KIAA1549: variants seen among roughly 807,000 people sequenced by gnomAD.
KIAA1549 encodes KIAA1549.
Under a neutral mutation model 156.4 loss-of-function variants are expected in KIAA1549, and 70 were observed. The observed-to-expected ratio is 0.45, with a 90% confidence interval of 0.37 to 0.55. KIAA1549 has a LOEUF of 0.55. Ranked by LOEUF, KIAA1549 falls within the 20% of genes least tolerant of loss-of-function variation. KIAA1549 has a pLI of 0.00. For missense variants in KIAA1549, 2,428 were observed against 2,540.9 expected (o/e 0.96, Z 0.96); for synonymous variants, 1,103 against 1,066.4 (o/e 1.03, Z -0.67).
rs568828707 is a variant in KIAA1549, at chr7:138,836,224, T to C, written c.*1682A>G. On this transcript the variant is annotated 3_prime_UTR_variant, in exon 20 of 20. Coordinates refer to ENST00000422774, the MANE Select transcript of KIAA1549 (RefSeq NM_001164665.2). ...ATGACGGTCTACATATTGATGGTAG[T>C]CCCATAAGATTATAAAATTGTATTT... 8 of 203,578 alleles carry C rather than the reference T, an allele frequency of 3.9e-5. No homozygotes were observed. The highest frequency in any genetic ancestry group is 1.9e-4 in the South Asian group (1 of 5,278). 12.6% of individuals were successfully genotyped at this position (203,578 alleles called of 1,614,324 possible). A position where few individuals can be genotyped will look rare whatever the true frequency, so the allele number is the denominator to read the frequency against.
rs75459081 is a variant in KIAA1549 at position 138,908,753 on chromosome 7, G to A, written c.3276+238C>T. 1.3e-3 allele frequency among the ~76,000 whole-genome samples: 203 copies of A among 152,266 alleles called. 1 individual carries two copies. Among genetic ancestry groups the A allele is most frequent in the African/African-American group, 4.7e-3 (197 of 41,540 alleles). Reference sequence around the variant, plus strand: ...TCTTGAATTTCCTGAATATGGTCATGTTTCTTCAGCTCACCATATCTGAGC... The same window carrying A: ...TCTTGAATTTCCTGAATATGGTCATATTTCTTCAGCTCACCATATCTGAGC... On this transcript the variant is annotated intron_variant, in intron 5 of 19. Coordinates refer to ENST00000422774, the MANE Select transcript of KIAA1549 (RefSeq NM_001164665.2).
At chr7:138,869,424 G>A in intron 14 of KIAA1549, 114 bp downstream of exon 14, 1 of 787,550 alleles carries the variant, frequency 1.3e-6, no homozygotes. Context: ...GAACACGGAT[G>A]GGGTCCTTCT....
In KIAA1549 at chr7:138,981,051, G is replaced by A. The variant is rs914830450; in HGVS notation, c.187+32C>T. ...CAGCGATAAAGGCAGGCGGGGTCGC[G>A]GCCGCGTTCCGAGGGTCTCGGCGGA... On this transcript the variant is annotated intron_variant, in intron 1 of 19. Coordinates refer to ENST00000422774, the MANE Select transcript of KIAA1549 (RefSeq NM_001164665.2). The surrounding 1 kb of genome is among the most constrained non-coding windows in gnomAD (Gnocchi z 4.5). 5.7e-6 allele frequency: 7 copies of A among 1,221,912 alleles called. No homozygotes were observed. Among genetic ancestry groups the A allele is most frequent in the Middle Eastern group, 4.7e-4 (2 of 4,246 alleles). 75.7% of individuals were successfully genotyped at this position (1,221,912 alleles called of 1,614,324 possible). A position where few individuals can be genotyped will look rare whatever the true frequency, so the allele number is the denominator to read the frequency against.
intron 16 of KIAA1549, among the ~76,000 whole-genome samples, chr7:138,852,719 C>T (rs1299352360): frequency 6.6e-6 from 1 of 152,224 alleles, no homozygotes; most frequent in African/African-American, 2.4e-5. Context: ...CTGCCCAGTA[C>T]CTATTCAAAT....
intron 2 of KIAA1549, among the ~76,000 whole-genome samples, 166 bp from the exon 3 acceptor site, chr7:138,912,626 G>A (rs1400627151): frequency 6.6e-6 from 1 of 151,972 alleles, no homozygotes; most frequent in Non-Finnish European, 1.5e-5. Flanking sequence ...GGATCTAGTT[G>A]CTGCTAACTA....
intron 2 of KIAA1549, among the ~76,000 whole-genome samples, chr7:138,914,552 G>A (rs1199694690): frequency 6.6e-6 from 1 of 152,130 alleles, no homozygotes; most frequent in Non-Finnish European, 1.5e-5. Context: ...GGTACGCGGA[G>A]TCACCTCAAC....
At position 138,938,038 on chromosome 7, in the gene KIAA1549, G is replaced by A. The variant is rs544107827; in HGVS notation, c.188-18600C>T. On this transcript the variant is annotated intron_variant, in intron 1 of 19. Coordinates refer to ENST00000422774, the MANE Select transcript of KIAA1549 (RefSeq NM_001164665.2). ...AAATTCATATGTTGAAACCTAACCC[G>A]AAGGTGATGGTATTAAGAGGTAGGG... Among the ~76,000 whole-genome samples, 240 of 152,198 alleles carry A rather than the reference G, an allele frequency of 1.6e-3. 1 individual carries two copies. The highest frequency in any genetic ancestry group is 4.7e-3 in the African/African-American group (194 of 41,536).
intron 10 of KIAA1549, 88 bp downstream of exon 10, chr7:138,894,254 A>T (rs1811620410): frequency 1.6e-6 from 2 of 1,266,994 alleles, no homozygotes; most frequent in African/African-American, 3.0e-5. Context: ...CCTCTTCCTC[A>T]TCTTTCAGTA....
chr7:138,843,811 T>C (rs978189725), intron 18 of KIAA1549, among the ~76,000 whole-genome samples: 59 of 152,240 alleles, frequency 3.9e-4, no homozygotes, highest in African/African-American at 1.4e-3. Flanking sequence ...TGCTGAGTAA[T>C]AGACAATGCA....
chr7:138,881,318 C>T, intron 11 of KIAA1549, 70 bp downstream of exon 11: 1 of 1,469,798 alleles, frequency 6.8e-7, no homozygotes, highest in Non-Finnish European at 9.3e-7. Flanking sequence ...CCTGTGACAT[C>T]AGAAACTCAC....
Position 138,931,449 on chromosome 7 carries a change from T to A in KIAA1549, c.188-12011A>T, listed in dbSNP as rs149126692. Among the ~76,000 whole-genome samples, 552 of 152,336 alleles carry A rather than the reference T, an allele frequency of 3.6e-3. 5 individuals are homozygous for A. Among genetic ancestry groups the A allele is most frequent in the Non-Finnish European group, 4.2e-3 (283 of 68,030 alleles). On this transcript the variant is annotated intron_variant, in intron 1 of 19. Coordinates refer to ENST00000422774, the MANE Select transcript of KIAA1549 (RefSeq NM_001164665.2). ...TTGATATTTTTAATGGCATCTTTGA[T>A]GAACAGAAGGTCTCAATTTTGGCCA...
At chr7:138,889,420 G>C (rs1292232944) in intron 10 of KIAA1549, among the ~76,000 whole-genome samples, 3 of 152,292 alleles carry the variant, frequency 2.0e-5, no homozygotes, top group Middle Eastern at 3.4e-3. Context: ...TATTATTACT[G>C]TTGATTGATG....
intron 17 of KIAA1549, among the ~76,000 whole-genome samples, chr7:138,849,896 G>A (rs770738900): frequency 5.3e-5 from 8 of 152,060 alleles, no homozygotes; most frequent in Admixed American, 2.0e-4. Flanking sequence ...ACATGATTTC[G>A]CTCTTTTTTA....
At chr7:138,886,751 G>GA (rs1811401521) in intron 10 of KIAA1549, among the ~76,000 whole-genome samples, 1 of 152,090 alleles carries the variant, frequency 6.6e-6, no homozygotes, top group Non-Finnish European at 1.5e-5. Flanking sequence ...CCTGTTACAG[G>GA]AGTACACCAC....
intron 1 of KIAA1549, among the ~76,000 whole-genome samples, chr7:138,940,724 G>GT (rs1205147882): frequency 6.6e-6 from 1 of 152,154 alleles, no homozygotes; most frequent in Admixed American, 6.5e-5. Flanking sequence ...GTGTGAGATG[G>GT]TATCTCATTG....
chr7:138,865,799 A>G (rs1167262647), intron 15 of KIAA1549, among the ~76,000 whole-genome samples: 9 of 152,224 alleles, frequency 5.9e-5, no homozygotes, highest in Admixed American at 3.9e-4. Flanking sequence ...AGGAGAAGAC[A>G]GGTTCCTCCC....
chr7:138,832,869 C>T lies in KIAA1549; in HGVS notation c.*5037G>A, dbSNP rs952402958. Reference sequence around the variant, plus strand: ...ACCTCCACGAATATCAAAAGAAACCCGAAATGCACATCCTCCTTGTTCATT... The same window carrying T: ...ACCTCCACGAATATCAAAAGAAACCTGAAATGCACATCCTCCTTGTTCATT... On this transcript the variant is annotated 3_prime_UTR_variant, in exon 20 of 20. Coordinates refer to ENST00000422774, the MANE Select transcript of KIAA1549 (RefSeq NM_001164665.2). The T allele has an allele frequency of 1.3e-5, 3 of 228,160 alleles. No homozygotes were observed. The highest frequency in any genetic ancestry group is 1.7e-5 in the Non-Finnish European group (2 of 115,028). The allele number at this position is 228,160 out of a possible 1,614,324, so 14.1% of individuals were successfully genotyped here. A position where few individuals can be genotyped will look rare whatever the true frequency, so the allele number is the denominator to read the frequency against.
At chr7:138,903,371 T>C (rs908393303) in intron 8 of KIAA1549, among the ~76,000 whole-genome samples, 2 of 152,232 alleles carry the variant, frequency 1.3e-5, no homozygotes, top group African/African-American at 4.8e-5. Flanking sequence ...TACTACTACT[T>C]ACTATGGGCT....
chr7:138,942,649 G>A (rs1012285512), intron 1 of KIAA1549, among the ~76,000 whole-genome samples: 14 of 152,000 alleles, frequency 9.2e-5, no homozygotes, highest in African/African-American at 1.5e-4. Flanking sequence ...GGTGACTCAC[G>A]CCTGTAATCC....
Sources: gnomAD v4.1 joint callset for allele counts (sites outside exome capture counted in the v4.1 genomes callset) on GRCh38, gnomAD v4.1.1 for gene constraint, Gnocchi (gnomAD v3.1) non-coding constraint, MANE v1.5 for transcripts, NCBI Gene and HGNC (gene_info 2026-07-23, HGNC 2026-07-21) for gene names.